HDAC9: variants seen among roughly 807,000 people sequenced by gnomAD.
The protein encoded by HDAC9 is MEF-2 interacting transcription repressor (MITR) protein.
In HDAC9, 41 loss-of-function variants were observed where a neutral mutation model predicts 139.4. The ratio of observed to expected loss-of-function variants is 0.29; its 90% CI spans 0.23 to 0.38. The LOEUF is 0.38. HDAC9 is among the 10% of genes least tolerant of loss of function. The pLI is 1.00. For missense variants in HDAC9, 1,147 were observed against 1,297.0 expected, an observed-to-expected ratio of 0.88 and a Z score of 1.78; for synonymous variants, 517 against 476.2, an observed-to-expected ratio of 1.09 and a Z score of -1.12.
chr7:18,673,920 T>C (rs899746997), intron 12 of HDAC9, among the ~76,000 whole-genome samples: 2 of 152,104 alleles, frequency 1.3e-5, no homozygotes, highest in African/African-American at 4.8e-5. Context: ...AATGTTTTAT[T>C]ACCAATATTA....
intron 1 of HDAC9, among the ~76,000 whole-genome samples, chr7:18,401,591 GATAGGTAAT>G (rs975797756): frequency 6.6e-6 from 1 of 152,176 alleles, no homozygotes; most frequent in Non-Finnish European, 1.5e-5. Context: ...AGCAGAACTG[GATAGGTAAT>G]TTTCTCTTGT....
chr7:18,513,718 A>G (rs1006859336), intron 2 of HDAC9, among the ~76,000 whole-genome samples: 5 of 152,222 alleles, frequency 3.3e-5, no homozygotes, highest in African/African-American at 1.2e-4. Context: ...CTTCTCTGGC[A>G]TCTGTAAGCT....
rs1047987678 is a variant in HDAC9 at position 18,836,746 on chromosome 7, T to G, written c.2684+749T>G. On this transcript the variant is annotated intron_variant, in intron 21 of 25. Coordinates refer to ENST00000686413, the MANE Select transcript of HDAC9 (RefSeq NM_178425.4). The stretch of plus-strand genomic sequence containing the variant: ...TATTAGTTTGTAGTTTAAACGTTAG[T>G]CTTTCTTCAGAAGCCAGTGAGTCTA... Among the ~76,000 whole-genome samples, 5 of 152,266 alleles carry G rather than the reference T, an allele frequency of 3.3e-5. No homozygotes were observed. In the East Asian group the frequency reaches 9.6e-4, roughly 29 times the overall value.
intron 2 of HDAC9, among the ~76,000 whole-genome samples, chr7:18,252,627 C>T (rs1197507711): frequency 6.6e-6 from 1 of 152,048 alleles, no homozygotes; most frequent in Non-Finnish European, 1.5e-5. Context: ...TTGTCTCAAG[C>T]CTACTTAACA....
At chr7:18,185,462 C>T (rs572676048) in intron 2 of HDAC9, among the ~76,000 whole-genome samples, 46 of 152,234 alleles carry the variant, frequency 3.0e-4, no homozygotes, top group African/African-American at 9.6e-4. Context: ...AAATCCTTAC[C>T]ATTTAGGAGA....
intron 2 of HDAC9, among the ~76,000 whole-genome samples, chr7:18,511,486 C>A (rs1179873203): frequency 5.3e-5 from 8 of 152,102 alleles, no homozygotes; most frequent in Admixed American, 5.2e-4. Context: ...AATTCCAGCA[C>A]TTTGGGAGGC....
upstream of HDAC9, chr7:18,290,237 T>C (rs1160673212): frequency 3.2e-6 from 1 of 314,014 alleles, no homozygotes; most frequent in African/African-American, 2.2e-5. Flanking sequence ...CTCTCATGCC[T>C]GCATACCAGC....
chr7:18,607,048 A>G (rs1584024412), intron 6 of HDAC9, among the ~76,000 whole-genome samples: 1 of 152,212 alleles, frequency 6.6e-6, no homozygotes, highest in South Asian at 2.1e-4. Context: ...AATAACAAAC[A>G]TAGTAGAAAT....
intron 2 of HDAC9, among the ~76,000 whole-genome samples, chr7:18,175,180 C>G (rs1021716962): frequency 6.6e-6 from 1 of 152,222 alleles, no homozygotes; most frequent in African/African-American, 2.4e-5. Context: ...CCCCTCCCCC[C>G]TGCCAGGCTG....
At chr7:18,624,062 G>A (rs571321256) in intron 6 of HDAC9, among the ~76,000 whole-genome samples, 61 of 152,158 alleles carry the variant, frequency 4.0e-4, no homozygotes, top group Non-Finnish European at 6.8e-4. Context: ...ATCACGCCCC[G>A]CAATTATGTA....
chr7:18,779,649 T>C (rs966676428), intron 16 of HDAC9, among the ~76,000 whole-genome samples: 22 of 152,018 alleles, frequency 1.4e-4, no homozygotes, highest in African/African-American at 5.3e-4. Flanking sequence ...ATCTATGAAA[T>C]AGGGCTAAGC....
intron 1 of HDAC9, among the ~76,000 whole-genome samples, chr7:18,301,894 A>G (rs925493634): frequency 2.0e-5 from 3 of 152,232 alleles, no homozygotes; most frequent in Admixed American, 6.5e-5. Flanking sequence ...CTAAATCACC[A>G]TAGAATTCAA....
At chr7:18,261,313 T>G (rs1168386003) in intron 2 of HDAC9, among the ~76,000 whole-genome samples, 4 of 151,738 alleles carry the variant, frequency 2.6e-5, no homozygotes, top group Non-Finnish European at 4.4e-5. Context: ...GTCTCCAAAA[T>G]AAAAAATAAA....
At chr7:18,862,411 C>T (rs1798179701) in intron 21 of HDAC9, among the ~76,000 whole-genome samples, 1 of 152,080 alleles carries the variant, frequency 6.6e-6, no homozygotes, top group African/African-American at 2.4e-5. Context: ...GAAACTAAGA[C>T]AATTTACTAA....
At chr7:18,977,735 T>A (rs926710968) in intron 25 of HDAC9, among the ~76,000 whole-genome samples, 11 of 152,124 alleles carry the variant, frequency 7.2e-5, no homozygotes, top group African/African-American at 2.7e-4. Context: ...TTTATCACTT[T>A]TAGACAGATT....
At chr7:18,748,250 A>C (rs1484537633) in intron 13 of HDAC9, among the ~76,000 whole-genome samples, 2 of 152,204 alleles carry the variant, frequency 1.3e-5, no homozygotes, top group Non-Finnish European at 2.9e-5. Context: ...CTTTCCCATC[A>C]TAAGGCTTAC....
chr7:18,316,992 G>A (rs1799697343), intron 1 of HDAC9, among the ~76,000 whole-genome samples: 1 of 151,772 alleles, frequency 6.6e-6, no homozygotes, highest in East Asian at 1.9e-4. Context: ...TAATAGGCAG[G>A]CTGAGGCAGG....
intron 1 of HDAC9, among the ~76,000 whole-genome samples, chr7:18,088,588 A>G (rs1047381350): frequency 2.0e-5 from 3 of 152,380 alleles, no homozygotes; most frequent in Admixed American, 1.3e-4. Flanking sequence ...ACAGCACAGA[A>G]TAAGTTGCAT....
At chr7:18,976,438 G>C (rs956335508) in intron 25 of HDAC9, among the ~76,000 whole-genome samples, 2 of 152,276 alleles carry the variant, frequency 1.3e-5, no homozygotes, top group East Asian at 3.9e-4. Flanking sequence ...CTGTCCTTGA[G>C]GTCCAACAAC....
Sources: gnomAD v4.1 joint callset for allele counts (sites outside exome capture counted in the v4.1 genomes callset) on GRCh38, gnomAD v4.1.1 for gene constraint, MANE v1.5 for transcripts, NCBI Gene and HGNC (gene_info 2026-07-23, HGNC 2026-07-21) for gene names.